Variants in GRAMD1B observed in about 807,000 individuals in gnomAD.
GRAMD1B encodes the protein GRAM domain containing 1B, also known as protein Aster-B.
Under a neutral mutation model 99.7 loss-of-function variants are expected in GRAMD1B, and 37 were observed. The observed-to-expected ratio is 0.37, with a 90% CI of 0.29 to 0.49. The LOEUF (loss-of-function observed/expected upper bound fraction) is 0.49, where lower values mean the gene tolerates loss of function less well. GRAMD1B is among the 20% of genes least tolerant of loss of function. GRAMD1B has a pLI of 0.98. For synonymous variants in GRAMD1B, 427 were observed against 387.6 expected, an observed-to-expected ratio of 1.10 and a Z score of -1.19; for missense variants, 888 against 1,009.2, an observed-to-expected ratio of 0.88 and a Z score of 1.63.
chr11:123,542,928 A>G (rs756985920), intron 2 of GRAMD1B, among the ~76,000 whole-genome samples: 3 of 152,026 alleles, frequency 2.0e-5, no homozygotes, highest in Non-Finnish European at 4.4e-5. Flanking sequence ...TGCTGGGATT[A>G]CAGGCATGAG....
At chr11:123,447,376 C>T (rs1949690170) in intron 1 of GRAMD1B, among the ~76,000 whole-genome samples, 1 of 152,164 alleles carries the variant, frequency 6.6e-6, no homozygotes, top group Non-Finnish European at 1.5e-5. Flanking sequence ...ATACAGGTCT[C>T]CGGCAACCAG....
chr11:123,476,108 C>CTT (rs35617846), intron 1 of GRAMD1B, among the ~76,000 whole-genome samples: 5 of 145,082 alleles, frequency 3.4e-5, no homozygotes, highest in Admixed American at 6.9e-5. Context: ...CATTTAACTT[C>CTT]TTTTTTTTTT....
intron 1 of GRAMD1B, among the ~76,000 whole-genome samples, chr11:123,386,880 G>A (rs1485341014): frequency 6.6e-6 from 1 of 152,220 alleles, no homozygotes; most frequent in Non-Finnish European, 1.5e-5. Context: ...GAAATATTTA[G>A]CAAATTCTTC....
chr11:123,580,956 T>G (rs1375507091), intron 3 of GRAMD1B, among the ~76,000 whole-genome samples: 9 of 151,776 alleles, frequency 5.9e-5, no homozygotes, highest in Non-Finnish European at 1.3e-4. Flanking sequence ...TATGACAGAC[T>G]TAACCTGATC....
intron 1 of GRAMD1B, among the ~76,000 whole-genome samples, chr11:123,423,894 T>C (rs1371393492): frequency 6.6e-6 from 1 of 152,174 alleles, no homozygotes; most frequent in Non-Finnish European, 1.5e-5. Context: ...TGGGATTTTG[T>C]GGGTGAAGCA....
At chr11:123,513,605 CCTTCCTTCCTTCCT>C (rs1941339635) in intron 2 of GRAMD1B, among the ~76,000 whole-genome samples, 1 of 31,772 alleles carries the variant, frequency 3.1e-5, no homozygotes, top group African/African-American at 7.5e-5. Flanking sequence ...TTCCTTCCTT[CCTTCCTTCCTTCCT>C]TTCTTTCTTT....
In GRAMD1B at chr11:123,480,847, G is replaced by T; in HGVS notation, c.406G>T (p.Asp136Tyr). The change falls in exon 2 of 20, where the codon GAT (aspartate) becomes TAT (tyrosine). Residue 136 changes from aspartate to tyrosine, a missense_variant. Around this residue, in one of 5 missense-constraint regions of GRAMD1B, gnomAD observed 233 missense variants for 154.6 expected, o/e 1.51. Coordinates refer to ENST00000635736, the MANE Select transcript of GRAMD1B (RefSeq NM_001387025.1). The part of the protein sequence containing the change: ...SQQSSQQSSH[D>Y]DDSSRFLSPR... ...ACAGAGCAGTCAGCAGAGCAGCCAC[G>T]ATGATGATTCTAGCAGGTTCCTGAG... 1 of 398,854 alleles carries T rather than the reference G, an allele frequency of 2.5e-6. No individual in the cohort carries two copies. The allele number at this position is 398,854 out of a possible 1,614,324, so 24.7% of individuals were successfully genotyped here.
At chr11:123,555,978 C>T (rs1946138848) in intron 2 of GRAMD1B, among the ~76,000 whole-genome samples, 1 of 152,190 alleles carries the variant, frequency 6.6e-6, no homozygotes, top group Non-Finnish European at 1.5e-5. Context: ...AGGTGATCCA[C>T]CTGCCTCGGC....
chr11:123,610,298 T>A lies in GRAMD1B; in HGVS notation c.1879T>A (p.Tyr627Asn). ...TGACTACTTCTACACAATCAATCGCTACACGCTCACCCGTGTGGCTCGGAA... is the reference window on the plus strand; with the variant it reads ...TGACTACTTCTACACAATCAATCGCAACACGCTCACCCGTGTGGCTCGGAA... ...YHDYFYTINR[Y>N]TLTRVARNKS... The change falls in exon 14 of 20, where the codon TAC (tyrosine) becomes AAC (asparagine). Residue 627 changes from tyrosine (Y) to asparagine (N), a missense_variant. Around this residue, in one of 5 missense-constraint regions of GRAMD1B, gnomAD observed 92 missense variants for 156.9 expected, o/e 0.59. Coordinates refer to ENST00000635736, the MANE Select transcript of GRAMD1B (RefSeq NM_001387025.1). The surrounding 1 kb of genome is among the most constrained non-coding windows in gnomAD (Gnocchi z 4.1). 1 of 1,613,924 alleles carries A rather than the reference T, an allele frequency of 6.2e-7. No individual in the cohort carries two copies.
chr11:123,540,888 T>C (rs1944444453), intron 2 of GRAMD1B, among the ~76,000 whole-genome samples: 2 of 152,220 alleles, frequency 1.3e-5, no homozygotes, highest in Admixed American at 1.3e-4. Context: ...ATCTGTCCAA[T>C]CTACTTGTAT....
At chr11:123,535,268 A>C (rs2135600161) in intron 2 of GRAMD1B, among the ~76,000 whole-genome samples, 1 of 151,876 alleles carries the variant, frequency 6.6e-6, no homozygotes, top group Middle Eastern at 3.4e-3. Flanking sequence ...ATACAACCTT[A>C]ATACAACCCT....
At chr11:123,453,242 G>A (rs1949966722) in intron 1 of GRAMD1B, among the ~76,000 whole-genome samples, 3 of 151,616 alleles carry the variant, frequency 2.0e-5, no homozygotes, top group South Asian at 2.1e-4. Context: ...AAACATAAAC[G>A]TTTTCTAATA....
rs1237471126 is a variant in GRAMD1B at position 123,430,709 on chromosome 11, G to A, written c.-84G>A. ...CCAGGATTGGGGAGTGTGCCGCGGG[G>A]CCGAGGGTGGGGAACAGCCAGAGGG... On this transcript the variant is annotated 5_prime_UTR_variant, in exon 1 of 20. Coordinates refer to ENST00000635736, the MANE Select transcript of GRAMD1B (RefSeq NM_001387025.1). 16 of 586,784 alleles carry A rather than the reference G, an allele frequency of 2.7e-5. No homozygotes were observed. The South Asian group carries it at 3.1e-4, about 11-fold the overall frequency. 36.3% of individuals were successfully genotyped at this position (586,784 alleles called of 1,614,324 possible). A position where few individuals can be genotyped will look rare whatever the true frequency, so the allele number is the denominator to read the frequency against.
chr11:123,473,689 C>G (rs1344405690), intron 1 of GRAMD1B, among the ~76,000 whole-genome samples: 1 of 152,134 alleles, frequency 6.6e-6, no homozygotes, highest in Non-Finnish European at 1.5e-5. Context: ...GCTGCAGGTT[C>G]CCATGGGAGC....
At chr11:123,525,998 C>T (rs1942682835) in intron 2 of GRAMD1B, 1 of 658,494 alleles carries the variant, frequency 1.5e-6, no homozygotes, top group African/African-American at 1.8e-5. Flanking sequence ...GCTCTTTCTC[C>T]CTTTCTCTCT....
At chr11:123,485,123 G>T (rs557243890) in intron 2 of GRAMD1B, among the ~76,000 whole-genome samples, 1 of 152,240 alleles carries the variant, frequency 6.6e-6, no homozygotes, top group South Asian at 2.1e-4. Context: ...GACTGAAAAC[G>T]GTCAAGGATG....
intron 1 of GRAMD1B, among the ~76,000 whole-genome samples, chr11:123,382,949 G>T (rs1286399845): frequency 1.3e-5 from 2 of 152,126 alleles, no homozygotes; most frequent in African/African-American, 4.8e-5. Context: ...GCCTCCCTTG[G>T]CAGGACCCAA....
intron 3 of GRAMD1B, chr11:123,578,262 G>T (rs1948951559): frequency 9.3e-6 from 6 of 644,922 alleles, no homozygotes; most frequent in African/African-American, 1.8e-5. Context: ...CTTCACCCTG[G>T]GACCCCCAGG....
intron 2 of GRAMD1B, among the ~76,000 whole-genome samples, chr11:123,489,651 G>T (rs1004322944): frequency 2.0e-5 from 3 of 151,926 alleles, no homozygotes; most frequent in African/African-American, 7.3e-5. Flanking sequence ...TTGAGGGGAG[G>T]GAGAAGAGAC....
Sources: gnomAD v4.1 joint callset for allele counts (sites outside exome capture counted in the v4.1 genomes callset) on GRCh38, gnomAD v4.1.1 for gene constraint, gnomAD v4.1.1 regional missense constraint, Gnocchi (gnomAD v3.1) non-coding constraint, MANE v1.5 for transcripts, NCBI Gene and HGNC (gene_info 2026-07-23, HGNC 2026-07-21) for gene names.